The following UBA5 variants were observed in gnomAD, a reference collection of about 807,000 sequenced individuals.
UBA5 encodes the protein ubiquitin like modifier activating enzyme 5.
A neutral mutation model predicts 52.9 loss-of-function variants in UBA5; 28 were observed. The observed-to-expected ratio is 0.53, with a 90% confidence interval of 0.39 to 0.73. UBA5 has a LOEUF of 0.73. Among genes scored for constraint, UBA5 ranks in the 30% least tolerant of loss-of-function variants. UBA5 has a pLI of 0.00. For missense variants in UBA5, 388 were observed against 492.7 expected (o/e 0.79, Z 2.01); for synonymous variants, 135 against 162.1 (o/e 0.83, Z 1.27).
Position 132,671,811 on chromosome 3 carries a change from CTG to C in UBA5, c.615_616del (p.Val207GlnfsTer2). ...GAACTTGGACAAACATGGATGGAATCTGGGGTCAGTGAAAATGCAGTTTCAGG... is the reference window on the plus strand; with the variant it reads ...GAACTTGGACAAACATGGATGGAATCGGGTCAGTGAAAATGCAGTTTCAGG... On this transcript the variant is annotated frameshift_variant, in exon 7 of 12. Transcript: ENST00000356232. LOFTEE classifies it high-confidence loss of function. 6.2e-7 allele frequency: 1 copy of C among 1,613,662 alleles called. No homozygotes were observed. Among genetic ancestry groups the C allele is most frequent in the Non-Finnish European group, 8.5e-7 (1 of 1,179,812 alleles).
chr3:132,671,128 C>G (rs1272528181), intron 6 of UBA5, 79 bp downstream of exon 6: 2 of 1,225,820 alleles, frequency 1.6e-6, no homozygotes, highest in Non-Finnish European at 2.4e-6. Flanking sequence ...TAATCCCCAT[C>G]CTAAAAACAG....
At chr3:132,670,737 T>A (rs1938564222) in intron 5 of UBA5, 1 of 317,642 alleles carries the variant, frequency 3.1e-6, no homozygotes, top group Non-Finnish European at 5.7e-6. Flanking sequence ...CCCTTGTAGT[T>A]CTTGTAAAAT....
At chr3:132,658,307 T>C (rs1406439844), upstream of UBA5, among the ~76,000 whole-genome samples, 1 of 152,222 alleles carries the variant, frequency 6.6e-6, no homozygotes, top group Non-Finnish European at 1.5e-5. Context: ...GAGTTCCATA[T>C]ATATTTATTA....
In UBA5 at chr3:132,671,761, A is replaced by C; in HGVS notation, c.580-16A>C. 1 of 1,573,156 alleles carries C rather than the reference A, an allele frequency of 6.4e-7. No homozygotes were observed. The highest frequency in any genetic ancestry group is 8.6e-7 in the Non-Finnish European group (1 of 1,160,418). On this transcript the variant is annotated splice_polypyrimidine_tract_variant and intron_variant, in intron 6 of 11. Coordinates refer to ENST00000356232, the MANE Select transcript of UBA5 (RefSeq NM_024818.6). ...TTTTATTTTTTTTCCTTATGTTTTCACCCATTTCTACTAAGGCTTGTAATG... is the reference window on the plus strand; with the variant it reads ...TTTTATTTTTTTTCCTTATGTTTTCCCCCATTTCTACTAAGGCTTGTAATG...
At position 132,676,312 on chromosome 3, in the gene UBA5, A is replaced by AAGATAGTTGTT; in HGVS notation, c.1132-129_1132-119dup. The AAGATAGTTGTT allele has an allele frequency of 1.5e-6, 1 of 667,610 alleles. No individual in the cohort carries two copies. The highest frequency in any genetic ancestry group is 2.5e-6 in the Non-Finnish European group (1 of 396,324). 41.4% of individuals were successfully genotyped at this position (667,610 alleles called of 1,614,324 possible). ...ACTCTGTCTTTCTTCTAAAAATTAG[A>AAGATAGTTGTT]AGATAGTTGTTAAAGAAAATTTACT... On this transcript the variant is annotated intron_variant, in intron 11 of 11. Transcript: ENST00000356232. This position sits in a 1 kb window ranked among gnomAD's most constrained non-coding sequence, Gnocchi z 4.1.
chr3:132,661,165 T>G (rs1431435811), intron 1 of UBA5: 2 of 810,708 alleles, frequency 2.5e-6, no homozygotes, highest in Admixed American at 6.1e-5. Context: ...TCTCAAACCA[T>G]TCGACATTAC....
In UBA5 at chr3:132,676,459, C is replaced by T. The variant is rs773826017; in HGVS notation, c.1148C>T (p.Thr383Ile). 10 of 1,607,752 alleles carry T rather than the reference C, an allele frequency of 6.2e-6. No individual in the cohort carries two copies. The highest frequency in any genetic ancestry group is 8.5e-6 in the Non-Finnish European group (10 of 1,178,106). Residue 383 changes from threonine (T) to isoleucine (I), a missense_variant, in exon 12 of 12, where the codon ACT becomes ATT. Transcript: ENST00000356232. The surrounding 1 kb of genome is among the most constrained non-coding windows in gnomAD (Gnocchi z 4.1). ...TIPKKQEDSVTELTVEDSGES... is the reference protein window; with the variant it reads ...TIPKKQEDSVIELTVEDSGES... ...TGTCAATAGCAAGAAGATTCTGTCA[C>T]TGAGTTAACAGTGGAAGATTCTGGT... is the stretch of plus-strand genomic sequence containing the variant.
chr3:132,662,178 T>C (rs1235591493), intron 1 of UBA5, among the ~76,000 whole-genome samples: 1 of 152,218 alleles, frequency 6.6e-6, no homozygotes, highest in Admixed American at 6.5e-5. Context: ...TTCTATCTGA[T>C]TTGCACCATT....
upstream of UBA5, chr3:132,660,266 G>A: frequency 3.6e-6 from 2 of 557,634 alleles, no homozygotes; most frequent in South Asian, 2.1e-5. This position sits in a 1 kb window ranked among gnomAD's most constrained non-coding sequence, Gnocchi z 4.1. Flanking sequence ...GGGTTTAGCC[G>A]GCCCAGCGAG....
chr3:132,665,305 G>T (rs1938330380), intron 1 of UBA5, among the ~76,000 whole-genome samples: 1 of 152,036 alleles, frequency 6.6e-6, no homozygotes, highest in South Asian at 2.1e-4. Context: ...AGATGAATGG[G>T]AATTAACCAT....
At chr3:132,670,157 T>C (rs768865603) in intron 4 of UBA5, 41 bp from the exon 5 acceptor site, 107 of 987,836 alleles carry the variant, frequency 1.1e-4, no homozygotes, top group Admixed American at 4.2e-4. Flanking sequence ...CTTGAAATGC[T>C]AGGATTACAG....
At chr3:132,672,231 A>G (rs1044160885) in intron 8 of UBA5, 54 bp downstream of exon 8, 1 of 1,555,934 alleles carries the variant, frequency 6.4e-7, no homozygotes, top group Non-Finnish European at 8.7e-7. Flanking sequence ...GTAAACATAA[A>G]TATATTTCAC....
chr3:132,672,910 G>A (rs1938666656), intron 8 of UBA5, among the ~76,000 whole-genome samples: 1 of 152,168 alleles, frequency 6.6e-6, no homozygotes. Context: ...CCCTTTAGGT[G>A]TTCTCTAATT....
intron 3 of UBA5, 106 bp from the exon 4 acceptor site, chr3:132,668,712 T>C (rs1938478909): frequency 1.5e-6 from 1 of 682,830 alleles, no homozygotes. Context: ...GCTAATATTA[T>C]TATCAAACTG....
chr3:132,673,557 A>T (rs1181705686), intron 8 of UBA5, among the ~76,000 whole-genome samples: 1 of 152,168 alleles, frequency 6.6e-6, no homozygotes. Context: ...CATGTTGCTC[A>T]GGCTGTTCTT....
rs898732860 is a variant in UBA5 at position 132,677,432 on chromosome 3, A to G, written c.*906A>G. 3 of 152,450 alleles carry G rather than the reference A, an allele frequency of 2.0e-5. No individual in the cohort carries two copies. The highest frequency in any genetic ancestry group is 7.2e-5 in the African/African-American group (3 of 41,444). 9.4% of individuals were successfully genotyped at this position (152,450 alleles called of 1,614,324 possible). On this transcript the variant is annotated 3_prime_UTR_variant, in exon 12 of 12. Coordinates refer to ENST00000356232, the MANE Select transcript of UBA5 (RefSeq NM_024818.6). ...GTCCTGTATATTAGGAATAAAGGAA[A>G]AGTTCTAAACTGCCTCTGCAATGAC... is the stretch of plus-strand genomic sequence containing the variant.
In UBA5 at chr3:132,666,008, A is replaced by C; in HGVS notation, c.232A>C (p.Ile78Leu). The C allele has an allele frequency of 2.5e-6, 4 of 1,613,646 alleles. No homozygotes were observed. The highest frequency in any genetic ancestry group is 3.4e-6 in the Non-Finnish European group (4 of 1,179,596). Residue 78 changes from isoleucine (I) to leucine (L), a missense_variant, in exon 3 of 12, where the codon ATA (isoleucine) becomes CTA (leucine). Ile to Leu is a conservative substitution (Grantham distance 5). Coordinates refer to ENST00000356232, the MANE Select transcript of UBA5 (RefSeq NM_024818.6). ...YEKIRTFAVA[I>L]VGVGGVGSVT... ...GAAAATCCGTACCTTTGCCGTAGCA[A>C]TAGTAGGTGTTGGTGGAGTAGGTAG...
Position 132,675,914 on chromosome 3 carries a change from T to A in UBA5, c.1122T>A (p.Ile374=). ...AAGGAATTACAGTGGCATACACAAT[T>A]CCAAAAAAGGTACTTCAAAAATATG... is the stretch of plus-strand genomic sequence containing the variant. The part of the protein sequence containing the change: ...LPEGITVAYT[I]PKKQEDSVTE... The change falls in exon 11 of 12, where the codon ATT becomes ATA. Residue 374 remains isoleucine, a synonymous_variant. Transcript: ENST00000356232. The A allele has an allele frequency of 6.3e-7, 1 of 1,590,788 alleles. No individual in the cohort carries two copies. Among genetic ancestry groups the A allele is most frequent in the Non-Finnish European group, 8.5e-7 (1 of 1,170,642 alleles).
At chr3:132,667,461 A>T (rs1452364857) in intron 3 of UBA5, 4 of 152,184 alleles carry the variant, frequency 2.6e-5, no homozygotes, top group African/African-American at 9.6e-5. Flanking sequence ...AAAATTCTCC[A>T]AGTGATTCCA....
Sources: allele counts gnomAD v4.1 joint callset (sites outside exome capture counted in the v4.1 genomes callset), GRCh38; gene constraint gnomAD v4.1.1; non-coding constraint Gnocchi (gnomAD v3.1); transcripts MANE v1.5; gene names NCBI Gene and HGNC (gene_info 2026-07-23, HGNC 2026-07-21).